DIAPH2: variants seen among roughly 807,000 people sequenced by gnomAD.
DIAPH2 encodes diaphanous related formin 2.
A neutral mutation model predicts 92.7 loss-of-function variants in DIAPH2; 35 were observed. The ratio of observed to expected loss-of-function variants is 0.38; its 90% CI spans 0.29 to 0.50. The LOEUF is 0.50. DIAPH2 is among the 20% of genes least tolerant of loss of function. The probability of loss-of-function intolerance (pLI) is 0.94; values close to 1 mark genes in which losing one functional copy is unlikely to be tolerated. For synonymous variants in DIAPH2, 301 were observed against 280.4 expected, an observed-to-expected ratio of 1.07 and a Z score of -0.73; for missense variants, 701 against 819.5, an observed-to-expected ratio of 0.86 and a Z score of 1.77.
intron 5 of DIAPH2, among the ~76,000 whole-genome samples, chrX:96,888,605 C>CTATATATATCTATATATATATACAGA (rs2065284825): frequency 1.4e-5 from 1 of 71,501 alleles, no homozygotes; most frequent in African/African-American, 6.1e-5. Context: ...ATATATATAT[C>CTATATATATCTATATATATATACAGA]TATATATATC....
intron 22 of DIAPH2, among the ~76,000 whole-genome samples, chrX:97,220,522 G>A (rs2067916496): frequency 8.9e-6 from 1 of 111,845 alleles, no homozygotes; most frequent in Non-Finnish European, 1.9e-5. Context: ...CCCCATCGCA[G>A]ATTACAGTGG....
chrX:97,143,769 T>C (rs974177356), intron 22 of DIAPH2, among the ~76,000 whole-genome samples: 1 of 111,521 alleles, frequency 9.0e-6, no homozygotes, highest in African/African-American at 3.3e-5. Context: ...AATGGATTAA[T>C]GGATAAAGAA....
intron 5 of DIAPH2, among the ~76,000 whole-genome samples, chrX:96,903,200 G>A (rs989370476): frequency 1.8e-5 from 2 of 110,447 alleles, no homozygotes; most frequent in African/African-American, 6.6e-5. Context: ...CATACAAACT[G>A]GTTTAGGAGA....
intron 4 of DIAPH2, among the ~76,000 whole-genome samples, chrX:96,797,108 T>C (rs981040475): frequency 1.8e-5 from 2 of 111,507 alleles, no homozygotes; most frequent in Non-Finnish European, 3.8e-5. Flanking sequence ...AGATTTCTCT[T>C]TTTTTTTGGT....
chrX:97,428,458 G>A, intron 25 of DIAPH2, among the ~76,000 whole-genome samples: 1 of 107,073 alleles, frequency 9.3e-6, no homozygotes, highest in South Asian at 4.1e-4. Flanking sequence ...GAACCCCGGA[G>A]GCAGAGGTTG....
intron 17 of DIAPH2, among the ~76,000 whole-genome samples, chrX:97,047,364 T>G (rs1296767893): frequency 9.1e-6 from 1 of 109,390 alleles, no homozygotes; most frequent in Non-Finnish European, 1.9e-5. Flanking sequence ...TTAAGTGGAA[T>G]GACATTTATG....
intron 23 of DIAPH2, among the ~76,000 whole-genome samples, chrX:97,328,143 G>A (rs1377305865): frequency 9.0e-6 from 1 of 111,310 alleles, no homozygotes; most frequent in Non-Finnish European, 1.9e-5. Context: ...TATGTTACTA[G>A]CTTCTTAACG....
chrX:97,425,116 T>C lies in DIAPH2; in HGVS notation c.3146-4534T>C, dbSNP rs984079712. Among the ~76,000 whole-genome samples, 3 of 112,199 alleles carry C rather than the reference T, an allele frequency of 2.7e-5. No homozygotes were observed. In the Admixed American group the frequency reaches 2.8e-4, roughly 11 times the overall value. The stretch of plus-strand genomic sequence containing the variant: ...TACTTTTCTACATAGTCTTTATAAT[T>C]ATCATTTTTGTAAGGATACATAAAA... On this transcript the variant is annotated intron_variant, in intron 25 of 26. Coordinates refer to ENST00000324765, the MANE Select transcript of DIAPH2 (RefSeq NM_006729.5).
At chrX:96,705,220 C>T (rs1331114771) in intron 1 of DIAPH2, among the ~76,000 whole-genome samples, 1 of 110,945 alleles carries the variant, frequency 9.0e-6, no homozygotes, top group Non-Finnish European at 1.9e-5. Context: ...CCGCCCGCCT[C>T]GGCCTTCCAA....
At chrX:97,195,445 G>C (rs1854317648) in intron 22 of DIAPH2, among the ~76,000 whole-genome samples, 1 of 110,640 alleles carries the variant, frequency 9.0e-6, no homozygotes, top group Non-Finnish European at 1.9e-5. Context: ...TAGATCACTT[G>C]AGGTCAGGAG....
At chrX:97,162,272 A>G (rs759382556) in intron 22 of DIAPH2, among the ~76,000 whole-genome samples, 18 of 111,183 alleles carry the variant, frequency 1.6e-4, no homozygotes, top group South Asian at 3.9e-4. Context: ...GATTCAAGTC[A>G]TTTCTCTGCC....
At chrX:97,445,861 T>C (rs772958218) in intron 26 of DIAPH2, among the ~76,000 whole-genome samples, 55 of 110,724 alleles carry the variant, frequency 5.0e-4, no homozygotes, top group Non-Finnish European at 9.4e-4. Context: ...TAAGCATTGT[T>C]TCAAGTCTTT....
chrX:97,178,879 C>G (rs1406479777), intron 22 of DIAPH2, among the ~76,000 whole-genome samples: 2 of 110,921 alleles, frequency 1.8e-5, no homozygotes, highest in Non-Finnish European at 3.8e-5. Context: ...TTCCACTCTT[C>G]TGCCATGTGA....
Position 96,916,420 on chromosome X carries a change from T to A in DIAPH2, c.733-18T>A. 1 of 1,020,218 alleles carries A rather than the reference T, an allele frequency of 9.8e-7. No individual in the cohort carries two copies. Among genetic ancestry groups the A allele is most frequent in the Non-Finnish European group, 1.3e-6 (1 of 785,649 alleles). 84.1% of individuals were successfully genotyped at this position (1,020,218 alleles called of 1,213,427 possible). On this transcript the variant is annotated intron_variant, in intron 7 of 26. Coordinates refer to ENST00000324765, the MANE Select transcript of DIAPH2 (RefSeq NM_006729.5). ...TCCATAGACATTCTGAATGAAGGTT[T>A]TTTTTTTTTTTTTTTAGTTTGGATT...
chrX:96,856,167 A>G (rs947515919), intron 4 of DIAPH2, among the ~76,000 whole-genome samples: 1 of 111,956 alleles, frequency 8.9e-6, no homozygotes, highest in Non-Finnish European at 1.9e-5. Flanking sequence ...CCACTATGAT[A>G]TCTAATTCTC....
chrX:97,509,262 G>C (rs1048191462), intron 26 of DIAPH2, among the ~76,000 whole-genome samples: 4 of 108,967 alleles, frequency 3.7e-5, no homozygotes, highest in African/African-American at 1.0e-4. Flanking sequence ...GACGAGGCTG[G>C]TGTTGAACTC....
intron 26 of DIAPH2, chrX:97,533,369 G>A (rs759426495): frequency 1.8e-5 from 2 of 111,358 alleles, no homozygotes; most frequent in African/African-American, 3.3e-5. Context: ...ACATTGCATC[G>A]AGTTGTTATG....
intron 26 of DIAPH2, among the ~76,000 whole-genome samples, chrX:97,494,968 A>G (rs930272872): frequency 1.8e-5 from 2 of 112,406 alleles, no homozygotes; most frequent in African/African-American, 6.5e-5. Context: ...TTGCCCTGAA[A>G]CATCCAAGCT....
intron 5 of DIAPH2, among the ~76,000 whole-genome samples, chrX:96,901,151 T>A (rs2147770521): frequency 9.0e-6 from 1 of 111,252 alleles, no homozygotes; most frequent in South Asian, 3.8e-4. Context: ...TTGTTACTGG[T>A]CTGTTCAGAG....
Sources: gnomAD v4.1 joint callset for allele counts (sites outside exome capture counted in the v4.1 genomes callset) on GRCh38, gnomAD v4.1.1 for gene constraint, MANE v1.5 for transcripts, NCBI Gene and HGNC (gene_info 2026-07-23, HGNC 2026-07-21) for gene names.